UBR2: variants seen among roughly 807,000 people sequenced by gnomAD.
UBR2 encodes E3 ubiquitin-protein ligase UBR2.
UBR2 carries 92 observed loss-of-function variants against 247.9 expected under a neutral mutation model. The ratio of observed to expected loss-of-function variants is 0.37; its 90% CI spans 0.31 to 0.44. The LOEUF (loss-of-function observed/expected upper bound fraction) is 0.44, where lower values mean the gene tolerates loss of function less well. Among genes scored for constraint, UBR2 ranks in the 20% least tolerant of loss-of-function variants. The probability of loss-of-function intolerance (pLI) is 1.00; values close to 1 mark genes in which losing one functional copy is unlikely to be tolerated. For synonymous variants in UBR2, 672 were observed against 693.5 expected, an observed-to-expected ratio of 0.97 and a Z score of 0.49; for missense variants, 1,613 against 2,112.6, an observed-to-expected ratio of 0.76 and a Z score of 4.64.
chr6:42,574,993 C>T (rs1195158795), intron 2 of UBR2, among the ~76,000 whole-genome samples: 7 of 152,188 alleles, frequency 4.6e-5, no homozygotes, highest in African/African-American at 1.2e-4. Context: ...CCACTGTACC[C>T]GGCCTCTTTC....
chr6:42,654,708 G>A (rs1171173879), intron 25 of UBR2, among the ~76,000 whole-genome samples: 1 of 152,026 alleles, frequency 6.6e-6, no homozygotes. Flanking sequence ...GGCAACAGAG[G>A]GAGACTCCGT....
At chr6:42,592,051 C>T in intron 2 of UBR2, 100 bp from the exon 3 acceptor site, 8 of 1,155,436 alleles carry the variant, frequency 6.9e-6, no homozygotes, top group Admixed American at 2.6e-5. Flanking sequence ...AAAAACTTCA[C>T]GTTTTCATTC....
chr6:42,676,682 A>G (rs535749194), intron 39 of UBR2, 101 bp from the exon 40 acceptor site: 163 of 911,442 alleles, frequency 1.8e-4, no homozygotes, highest in Non-Finnish European at 1.3e-4. Flanking sequence ...ACTTCATGTT[A>G]TATGTGAGTT....
chr6:42,599,676 G>C (rs1793234106), intron 4 of UBR2, among the ~76,000 whole-genome samples: 1 of 151,642 alleles, frequency 6.6e-6, no homozygotes, highest in Non-Finnish European at 1.5e-5. Flanking sequence ...TTGAGATGAG[G>C]TCTTGCTCTG....
Position 42,678,602 on chromosome 6 carries a change from T to C in UBR2, c.4542T>C (p.Pro1514=), listed in dbSNP as rs368489525. ...GGAGTGTCAGAGCTGGAATCATGCC[T>C]TTCCTGAAGTGTTCTGCTTTATTTT... The part of the protein sequence containing the change: ...LWRSVRAGIM[P]FLKCSALFFH... Residue 1514 remains proline, a synonymous_variant, in exon 41 of 47, where the codon CCT becomes CCC. Coordinates refer to ENST00000372901, the MANE Select transcript of UBR2 (RefSeq NM_001363705.2). 6.2e-7 allele frequency: 1 copy of C among 1,614,050 alleles called. No individual in the cohort carries two copies. Among genetic ancestry groups the C allele is most frequent in the Non-Finnish European group, 8.5e-7 (1 of 1,179,954 alleles).
chr6:42,590,589 A>G (rs1480028536), intron 2 of UBR2, among the ~76,000 whole-genome samples: 1 of 152,212 alleles, frequency 6.6e-6, no homozygotes, highest in Non-Finnish European at 1.5e-5. Flanking sequence ...AAAGACACAA[A>G]TAGACATTGT....
Position 42,616,093 on chromosome 6 carries a change from A to T in UBR2, c.1182+3A>T. The T allele has an allele frequency of 6.2e-7, 1 of 1,600,098 alleles. No individual in the cohort carries two copies. Among genetic ancestry groups the T allele is most frequent in the Non-Finnish European group, 8.5e-7 (1 of 1,176,088 alleles). On this transcript the variant is annotated splice_donor_region_variant and intron_variant, in intron 10 of 46. Coordinates refer to ENST00000372901, the MANE Select transcript of UBR2 (RefSeq NM_001363705.2). ...TATTTGCTGTTCGATTTGCAAAAGTAAGTGGCTTTTCAATTTTGAAAATAG... is the reference window on the plus strand; with the variant it reads ...TATTTGCTGTTCGATTTGCAAAAGTTAGTGGCTTTTCAATTTTGAAAATAG...
At position 42,564,308 on chromosome 6, in the gene UBR2, G is replaced by C. The variant is rs1046228272; in HGVS notation, c.-12G>C. Reference sequence around the variant, plus strand: ...CGGGCGGCGGTAGCGCTGGGGAGGAGGAGGAGAGAAGATGGCGTCGGAGCT... The same window carrying C: ...CGGGCGGCGGTAGCGCTGGGGAGGACGAGGAGAGAAGATGGCGTCGGAGCT... On this transcript the variant is annotated 5_prime_UTR_variant, in exon 1 of 47. Transcript: ENST00000372901. 7 of 1,607,368 alleles carry C rather than the reference G, an allele frequency of 4.4e-6. No homozygotes were observed. The African/African-American group carries it at 5.3e-5, about 12-fold the overall frequency.
At position 42,666,206 on chromosome 6, in the gene UBR2, T is replaced by C; in HGVS notation, c.3842T>C (p.Leu1281Ser). 1 of 1,612,978 alleles carries C rather than the reference T, an allele frequency of 6.2e-7. No individual in the cohort carries two copies. The highest frequency in any genetic ancestry group is 8.5e-7 in the Non-Finnish European group (1 of 1,179,450). The change falls in exon 34 of 47, where the codon TTA (leucine) becomes TCA (serine). Residue 1281 changes from leucine to serine, a missense_variant. By Grantham distance (145) the Leu-to-Ser change is moderately radical (BLOSUM62 -2). Coordinates refer to ENST00000372901, the MANE Select transcript of UBR2 (RefSeq NM_001363705.2). ...AAGAATTCAGAAAATGTGGATGAATTACAGCTCCCTGAAGGGTTCAGGCCT... is the reference window on the plus strand; with the variant it reads ...AAGAATTCAGAAAATGTGGATGAATCACAGCTCCCTGAAGGGTTCAGGCCT... Reference protein sequence around the residue: ...STKNSENVDELQLPEGFRPDF... With the variant: ...STKNSENVDESQLPEGFRPDF...
At chr6:42,635,134 T>C (rs984085793) in intron 13 of UBR2, among the ~76,000 whole-genome samples, 1 of 152,198 alleles carries the variant, frequency 6.6e-6, no homozygotes, top group Admixed American at 6.5e-5. Context: ...GAAGGATTAT[T>C]GCAGTGAAAT....
chr6:42,675,287 C>T (rs959381145), intron 38 of UBR2, among the ~76,000 whole-genome samples: 3 of 152,180 alleles, frequency 2.0e-5, no homozygotes, highest in African/African-American at 7.2e-5. Context: ...TTCACACTTA[C>T]ATCTCTACAA....
At position 42,616,042 on chromosome 6, in the gene UBR2, G is replaced by C; in HGVS notation, c.1134G>C (p.Leu378=). The stretch of plus-strand genomic sequence containing the variant: ...ATCATCAGTTGTTCATGAGCAGTCT[G>C]CTTATGGATTTGAAATACAAGAAAC... ...SVYHQLFMSS[L]LMDLKYKKLF... The change falls in exon 10 of 47, where the codon CTG becomes CTC. Residue 378 remains leucine, a synonymous_variant. Coordinates refer to ENST00000372901, the MANE Select transcript of UBR2 (RefSeq NM_001363705.2). 6.2e-7 allele frequency: 1 copy of C among 1,606,024 alleles called. No individual in the cohort carries two copies. Among genetic ancestry groups the C allele is most frequent in the Non-Finnish European group, 8.5e-7 (1 of 1,178,192 alleles).
chr6:42,573,226 A>T (rs1791277577), intron 1 of UBR2, among the ~76,000 whole-genome samples: 1 of 152,220 alleles, frequency 6.6e-6, no homozygotes, highest in South Asian at 2.1e-4. Flanking sequence ...GGACTGACTT[A>T]TTCAATAAGA....
chr6:42,652,164 G>C, intron 24 of UBR2, 93 bp downstream of exon 24: 1 of 1,226,978 alleles, frequency 8.2e-7, no homozygotes, highest in Non-Finnish European at 1.1e-6. Context: ...TTGGTGGAAT[G>C]AATATTTAAA....
At chr6:42,607,892 C>T (rs1177698293) in intron 7 of UBR2, among the ~76,000 whole-genome samples, 1 of 151,964 alleles carries the variant, frequency 6.6e-6, no homozygotes, top group Non-Finnish European at 1.5e-5. Flanking sequence ...TAACAAGATA[C>T]ATATTGAATG....
chr6:42,670,150 A>G lies in UBR2; in HGVS notation c.3940A>G (p.Lys1314Glu). The G allele has an allele frequency of 1.2e-6, 2 of 1,614,186 alleles. No individual in the cohort carries two copies. The highest frequency in any genetic ancestry group is 1.1e-5 in the South Asian group (1 of 91,080). Residue 1314 changes from lysine to glutamate, a missense_variant, in exon 35 of 47, where the codon AAG becomes GAG. Physicochemically the swap from Lys to Glu is moderately conservative, Grantham distance 56. Around this residue, in one of 3 missense-constraint regions of UBR2, gnomAD observed 1,524 missense variants for 1,967.3 expected, o/e 0.77. Transcript: ENST00000372901. ...MLTTFGTATYKVGLKVHPNEE... is the reference protein window; with the variant it reads ...MLTTFGTATYEVGLKVHPNEE... ...AACGACATTTGGAACTGCTACCTACAAGGTGGGACTAAAGGTTCATCCCAA... is the reference window on the plus strand; with the variant it reads ...AACGACATTTGGAACTGCTACCTACGAGGTGGGACTAAAGGTTCATCCCAA...
At position 42,564,049 on chromosome 6, in the gene UBR2, C is replaced by G. The variant is rs1225319549; in HGVS notation, c.-271C>G. The G allele has an allele frequency of 2.0e-6, 1 of 494,530 alleles. No individual in the cohort carries two copies. The highest frequency in any genetic ancestry group is 3.6e-6 in the Non-Finnish European group (1 of 281,680). The allele number at this position is 494,530 out of a possible 1,614,324, so 30.6% of individuals were successfully genotyped here. A position where few individuals can be genotyped will look rare whatever the true frequency, so the allele number is the denominator to read the frequency against. On this transcript the variant is annotated 5_prime_UTR_variant, in exon 1 of 47. Transcript: ENST00000372901. ...ACGCGGTAGTGGCCAGCGAGAGTGT[C>G]AGGCCTGGGGTTTTCTGTGTCCTTC... is the stretch of plus-strand genomic sequence containing the variant.
intron 10 of UBR2, among the ~76,000 whole-genome samples, chr6:42,616,521 G>A (rs1053674725): frequency 4.0e-5 from 6 of 151,448 alleles, no homozygotes; most frequent in African/African-American, 1.5e-4. Context: ...TGGAGGGGGG[G>A]CATGATCCAA....
chr6:42,679,927 C>A, intron 42 of UBR2, 95 bp downstream of exon 42: 2 of 743,676 alleles, frequency 2.7e-6, no homozygotes, highest in Non-Finnish European at 4.3e-6. Flanking sequence ...AGTAATGACC[C>A]TGGTAGAATT....
Sources: gnomAD v4.1 joint callset for allele counts (sites outside exome capture counted in the v4.1 genomes callset) on GRCh38, gnomAD v4.1.1 for gene constraint, gnomAD v4.1.1 regional missense constraint, MANE v1.5 for transcripts, NCBI Gene and HGNC (gene_info 2026-07-23, HGNC 2026-07-21) for gene names.